The following MESD variants were observed in gnomAD, a reference collection of about 807,000 sequenced individuals.
MESD encodes LRP chaperone MESD.
A neutral mutation model predicts 12.9 loss-of-function variants in MESD; 7 were observed. The observed-to-expected ratio is 0.54, with a 90% CI of 0.31 to 1.02. The LOEUF (loss-of-function observed/expected upper bound fraction) is 1.02. Ranked by LOEUF, MESD falls within the 50% of genes least tolerant of loss-of-function variation. MESD has a pLI of 0.05. For missense variants in MESD, 342 were observed against 296.7 expected (o/e 1.15, Z -1.12); for synonymous variants, 126 against 115.6 (o/e 1.09, Z -0.58).
intron 4 of MESD, chr15:80,949,075 A>G: frequency 9.5e-7 from 1 of 1,056,852 alleles, no homozygotes; most frequent in Non-Finnish European, 1.4e-6. Context: ...GAAGGCTATC[A>G]GAGACCCTGG....
chr15:80,958,621 C>T (rs1473681270), intron 3 of MESD, among the ~76,000 whole-genome samples: 1 of 152,144 alleles, frequency 6.6e-6, no homozygotes, highest in East Asian at 1.9e-4. Context: ...GCATGAGCCA[C>T]CGTGCCTGGC....
At chr15:80,966,221 T>C (rs1400155891) in intron 3 of MESD, among the ~76,000 whole-genome samples, 1 of 152,072 alleles carries the variant, frequency 6.6e-6, no homozygotes, top group East Asian at 1.9e-4. Flanking sequence ...TTGGACCTAC[T>C]AATTACATAC....
chr15:80,951,997 T>C (rs1206786614), exon 4 of MESD: 1 of 347,420 alleles, frequency 2.9e-6, no homozygotes, highest in Admixed American at 3.7e-5. Flanking sequence ...TAAGAGCAGG[T>C]GGAGATGGTT....
At chr15:80,971,843 G>A (rs1902295086), downstream of MESD, among the ~76,000 whole-genome samples, 1 of 151,944 alleles carries the variant, frequency 6.6e-6, no homozygotes, top group South Asian at 2.1e-4. Flanking sequence ...CTACTTGGGA[G>A]GGAGGCTGAG....
chr15:80,957,589 T>A (rs1440952709), intron 3 of MESD, among the ~76,000 whole-genome samples: 1 of 150,360 alleles, frequency 6.7e-6, no homozygotes, highest in Non-Finnish European at 1.5e-5. Context: ...GCAATCCCCA[T>A]CCACTGCAAA....
At chr15:80,987,099 A>G (rs1256385889) in intron 1 of MESD, among the ~76,000 whole-genome samples, 1 of 152,180 alleles carries the variant, frequency 6.6e-6, no homozygotes, top group East Asian at 1.9e-4. Flanking sequence ...AAATGTAATA[A>G]CCACCTTTGG....
chr15:80,951,638 T>TAAAG (rs918791272), intron 4 of MESD: 2 of 152,606 alleles, frequency 1.3e-5, no homozygotes, highest in Admixed American at 1.3e-4. Flanking sequence ...GTCAGAGAAA[T>TAAAG]AAAGAATTGT....
chr15:80,989,522 A>G, intron 1 of MESD, 57 bp downstream of exon 1: 1 of 1,561,492 alleles, frequency 6.4e-7, no homozygotes. Flanking sequence ...GTAAGGGGTC[A>G]TAGGGAACAG....
intron 1 of MESD, among the ~76,000 whole-genome samples, chr15:80,982,698 G>A (rs1902613176): frequency 6.6e-6 from 1 of 152,184 alleles, no homozygotes; most frequent in Admixed American, 6.5e-5. Context: ...AGGATTAACT[G>A]AGAATGGACA....
intron 2 of MESD, among the ~76,000 whole-genome samples, chr15:80,980,715 C>T (rs1567125775): frequency 6.6e-6 from 1 of 152,094 alleles, no homozygotes; most frequent in Non-Finnish European, 1.5e-5. Flanking sequence ...GTGCAAGGAT[C>T]ACTTGAGGCC....
In MESD at chr15:80,982,196, G is replaced by A. The variant is rs752275669; in HGVS notation, c.214-14C>T. The A allele has an allele frequency of 1.2e-6, 2 of 1,606,960 alleles. No individual in the cohort carries two copies. Among genetic ancestry groups the A allele is most frequent in the Non-Finnish European group, 1.7e-6 (2 of 1,174,226 alleles). On this transcript the variant is annotated splice_polypyrimidine_tract_variant and intron_variant, in intron 1 of 2. Transcript: ENST00000261758. Reference sequence around the variant, plus strand: ...GTCATCATCTTTCTATCAGATTAGGGGAAAAGCATCAAACCTATCATCAGA... The same window carrying A: ...GTCATCATCTTTCTATCAGATTAGGAGAAAAGCATCAAACCTATCATCAGA...
intron 3 of MESD, among the ~76,000 whole-genome samples, chr15:80,963,308 A>G (rs1902120797): frequency 6.6e-6 from 1 of 152,226 alleles, no homozygotes; most frequent in Admixed American, 6.5e-5. Context: ...ATAGACCAAT[A>G]ACAGGTTCTG....
At chr15:80,961,924 T>C (rs1902093682) in intron 3 of MESD, among the ~76,000 whole-genome samples, 1 of 152,186 alleles carries the variant, frequency 6.6e-6, no homozygotes, top group Non-Finnish European at 1.5e-5. Context: ...ATGAAGAAAC[T>C]GCATCAATTA....
At chr15:80,948,018 G>A in exon 5 of MESD, 1 of 152,706 alleles carries the variant, frequency 6.5e-6, no homozygotes, top group East Asian at 1.9e-4. Flanking sequence ...CTTCAAACCA[G>A]CCAAAGGAGG....
chr15:80,970,490 G>A (rs971508234), intron 3 of MESD: 2 of 152,266 alleles, frequency 1.3e-5, no homozygotes, highest in African/African-American at 4.8e-5. Flanking sequence ...TCCACTGCAG[G>A]GCAGGTGTGA....
chr15:80,971,177 A>G (rs925106080), downstream of MESD, among the ~76,000 whole-genome samples: 1 of 152,212 alleles, frequency 6.6e-6, no homozygotes, highest in Non-Finnish European at 1.5e-5. Flanking sequence ...TTTGTGGAAG[A>G]GCTTGATCTT....
At position 80,989,796 on chromosome 15, in the gene MESD, G is replaced by C; in HGVS notation, c.-5C>G. 6.4e-7 allele frequency: 1 copy of C among 1,566,264 alleles called. No homozygotes were observed. The highest frequency in any genetic ancestry group is 8.6e-7 in the Non-Finnish European group (1 of 1,163,002). On this transcript the variant is annotated 5_prime_UTR_variant, in exon 1 of 3. Transcript: ENST00000261758. ...CGCCCACCTGGAAGCCGCCATTTTCGCTGCGCCGCGCAGCGCCCTAGACGC... is the reference window on the plus strand; with the variant it reads ...CGCCCACCTGGAAGCCGCCATTTTCCCTGCGCCGCGCAGCGCCCTAGACGC...
Position 80,979,040 on chromosome 15 carries a change from A to T in MESD, c.*179T>A. 1 of 736,840 alleles carries T rather than the reference A, an allele frequency of 1.4e-6. No homozygotes were observed. The highest frequency in any genetic ancestry group is 2.2e-6 in the Non-Finnish European group (1 of 457,188). 45.6% of individuals were successfully genotyped at this position (736,840 alleles called of 1,614,324 possible). A position where few individuals can be genotyped will look rare whatever the true frequency, so the allele number is the denominator to read the frequency against. ...TTAATTAGAAAACATCTGTCTTCTT[A>T]CTTGAAGCCTATTAAGCAGTAATTC... On this transcript the variant is annotated 3_prime_UTR_variant, in exon 3 of 3. Coordinates refer to ENST00000261758, the MANE Select transcript of MESD (RefSeq NM_015154.3).
chr15:80,962,985 A>G (rs540936925), intron 3 of MESD, among the ~76,000 whole-genome samples: 174 of 152,336 alleles, frequency 1.1e-3, no homozygotes, highest in African/African-American at 4.1e-3. Flanking sequence ...AACTAAGATC[A>G]GAGCAGAACT....
Sources: allele counts gnomAD v4.1 joint callset (sites outside exome capture counted in the v4.1 genomes callset), GRCh38; gene constraint gnomAD v4.1.1; transcripts MANE v1.5; gene names NCBI Gene and HGNC (gene_info 2026-07-23, HGNC 2026-07-21).